The following PSMD13 variants were observed in gnomAD, a reference collection of about 807,000 sequenced individuals.
The protein encoded by PSMD13 is proteasome 26S subunit, non-ATPase 13, also known as 26S proteasome non-ATPase regulatory subunit 13.
A neutral mutation model predicts 57.4 loss-of-function variants in PSMD13; 8 were observed. That is an observed-to-expected ratio of 0.14 (90% confidence interval 0.08 to 0.25). PSMD13 has a LOEUF of 0.25. Among genes scored for constraint, PSMD13 ranks in the 10% least tolerant of loss-of-function variants. The pLI, the probability that PSMD13 is intolerant of heterozygous loss-of-function variation, is 1.00. For synonymous variants in PSMD13, 193 were observed against 168.2 expected (o/e 1.15, Z -1.14); for missense variants, 400 against 461.5 (o/e 0.87, Z 1.22).
chr11:237,102 A>G lies in PSMD13; in HGVS notation c.53A>G (p.Gln18Arg), dbSNP rs759635216. The G allele has an allele frequency of 6.2e-7, 1 of 1,613,736 alleles. No homozygotes were observed. Among genetic ancestry groups the G allele is most frequent in the South Asian group, 1.1e-5 (1 of 91,054 alleles). Reference sequence around the variant, plus strand: ...CAGAGCCAGAACTCCGGGCCCGGGCAGCCCGCTGTGTGGCACCGTCTGGAG... The same window carrying G: ...CAGAGCCAGAACTCCGGGCCCGGGCGGCCCGCTGTGTGGCACCGTCTGGAG... Reference protein sequence around the residue: ...LQQSQNSGPGQPAVWHRLEEL... With the variant: ...LQQSQNSGPGRPAVWHRLEEL... The change falls in exon 1 of 13, where the codon CAG becomes CGG. Residue 18 changes from glutamine to arginine, a missense_variant. Physicochemically the swap from Gln to Arg is conservative, Grantham distance 43. Transcript: ENST00000532097.
rs567727368 is a variant in PSMD13 at position 249,470 on chromosome 11, G to A, written c.774+413G>A. Among the ~76,000 whole-genome samples, 606 of 152,024 alleles carry A rather than the reference G, an allele frequency of 4.0e-3. 3 individuals carry two copies. The highest frequency in any genetic ancestry group is 7.1e-3 in the Non-Finnish European group (485 of 67,984). On this transcript the variant is annotated intron_variant, in intron 9 of 12. Coordinates refer to ENST00000532097, the MANE Select transcript of PSMD13 (RefSeq NM_002817.4). Reference sequence around the variant, plus strand: ...AAAGAGGGATGTGTGAGGCTAACATGAGTGGGTGGGAGAGAGCATGGGATG... The same window carrying A: ...AAAGAGGGATGTGTGAGGCTAACATAAGTGGGTGGGAGAGAGCATGGGATG...
chr11:247,072 A>G (rs1191683591), intron 6 of PSMD13, among the ~76,000 whole-genome samples: 1 of 152,116 alleles, frequency 6.6e-6, no homozygotes, highest in East Asian at 1.9e-4. Flanking sequence ...GATGCTTTTC[A>G]TCTCACAATA....
chr11:250,422 G>T (rs543254551), intron 9 of PSMD13, among the ~76,000 whole-genome samples: 4 of 152,326 alleles, frequency 2.6e-5, no homozygotes, highest in Non-Finnish European at 5.9e-5. Context: ...CACTGAGCCG[G>T]CAGCAGCCCT....
chr11:239,151 CTAA>C (rs1198108438), intron 2 of PSMD13, 75 bp downstream of exon 2: 512 of 1,269,732 alleles, frequency 4.0e-4, no homozygotes, highest in Non-Finnish European at 5.0e-4. Context: ...AGGCTTTATG[CTAA>C]TAATAATAAT....
At chr11:244,818 A>G (rs937867493) in intron 6 of PSMD13, 57 bp downstream of exon 6, 31 of 1,176,666 alleles carry the variant, frequency 2.6e-5, no homozygotes, top group East Asian at 6.4e-5. Flanking sequence ...AAACCCTAGG[A>G]AAAAAAATAA....
At position 247,412 on chromosome 11, in the gene PSMD13, C is replaced by T. The variant is rs148437656; in HGVS notation, c.532C>T (p.Arg178Trp). The T allele has an allele frequency of 6.1e-5, 99 of 1,613,606 alleles. No homozygotes were observed. Among genetic ancestry groups the T allele is most frequent in the Non-Finnish European group, 7.3e-5 (86 of 1,179,850 alleles). Residue 178 changes from arginine (R) to tryptophan (W), a missense_variant, in exon 7 of 13, where the codon CGG (arginine) becomes TGG (tryptophan). Arg to Trp is a moderately radical substitution (Grantham distance 101). Transcript: ENST00000532097. The part of the protein sequence containing the change: ...NHASYYKDAL[R>W]FLGCVDIKDL... ...CGCGTCCTACTACAAAGATGCTCTGCGGTTTTTGGGCTGTGTTGACATCAA... is the reference window on the plus strand; with the variant it reads ...CGCGTCCTACTACAAAGATGCTCTGTGGTTTTTGGGCTGTGTTGACATCAA...
Position 248,768 on chromosome 11 carries a change from T to C in PSMD13, c.569-8T>C. On this transcript the variant is annotated splice_region_variant and splice_polypyrimidine_tract_variant and intron_variant, in intron 7 of 12. Transcript: ENST00000532097. ...TGGATTGTAAGTGGGCCTGTGTTGC[T>C]ACCATAGTGTCTGAGCAGCAGGAGA... 6.2e-7 allele frequency: 1 copy of C among 1,614,054 alleles called. No individual in the cohort carries two copies. The highest frequency in any genetic ancestry group is 1.3e-5 in the African/African-American group (1 of 75,048).
At chr11:248,523 TGAAAA>T in intron 7 of PSMD13, 3 of 496,594 alleles carry the variant, frequency 6.0e-6, no homozygotes, top group African/African-American at 1.9e-5. Context: ...GTGGCACAGC[TGAAAA>T]TATGAATAGA....
Position 252,576 on chromosome 11 carries a change from C to T in PSMD13, c.1107C>T (p.His369=), listed in dbSNP as rs769026986. 47 of 1,614,040 alleles carry T rather than the reference C, an allele frequency of 2.9e-5. No individual in the cohort carries two copies. In the South Asian group the frequency reaches 5.2e-4, roughly 18 times the overall value. The change falls in exon 13 of 13, where the codon CAC becomes CAT. Residue 369 remains histidine (H), a synonymous_variant. Coordinates refer to ENST00000532097, the MANE Select transcript of PSMD13 (RefSeq NM_002817.4). The surrounding 1 kb of genome is among the most constrained non-coding windows in gnomAD (Gnocchi z 4.1). ...AGAGCATGGAGATGCTGGTGGAGCA[C>T]CAGGCCCATGACATCCTCACCTAGG... The part of the protein sequence containing the change: ...DVKSMEMLVE[H]QAHDILT
chr11:243,407 A>G (rs759977834), intron 2 of PSMD13: 22 of 312,308 alleles, frequency 7.0e-5, no homozygotes, highest in Non-Finnish European at 1.2e-4. Context: ...GATTTTCAAC[A>G]GTCTTACTTA....
chr11:242,289 A>G (rs1457579968), intron 2 of PSMD13, among the ~76,000 whole-genome samples: 1 of 148,674 alleles, frequency 6.7e-6, no homozygotes, highest in Non-Finnish European at 1.5e-5. Context: ...GAAGTGCTCA[A>G]GTGTGCTGAA....
At chr11:250,939 G>A (rs778643709) in intron 10 of PSMD13, 74 bp downstream of exon 10, 1 of 1,343,174 alleles carries the variant, frequency 7.4e-7, no homozygotes. Flanking sequence ...CACTCTCCAA[G>A]CCTGTGCTGA....
intron 9 of PSMD13, 85 bp downstream of exon 9, chr11:249,142 GCA>G: frequency 6.4e-7 from 1 of 1,568,452 alleles, no homozygotes; most frequent in Non-Finnish European, 8.6e-7. Context: ...TCTTCCCTAG[GCA>G]CACAGGAAAG....
chr11:245,080 A>G (rs562900311), intron 6 of PSMD13, among the ~76,000 whole-genome samples: 1 of 151,944 alleles, frequency 6.6e-6, no homozygotes, highest in South Asian at 2.1e-4. Context: ...AGCTGGAATT[A>G]CAGGCGCGTG....
intron 6 of PSMD13, among the ~76,000 whole-genome samples, chr11:246,392 C>G (rs185125344): frequency 2.0e-5 from 3 of 152,142 alleles, no homozygotes; most frequent in Admixed American, 6.5e-5. Flanking sequence ...GTCCCAGCCA[C>G]TCGGGAGGCT....
intron 1 of PSMD13, among the ~76,000 whole-genome samples, chr11:238,470 C>T (rs1419454386): frequency 6.6e-6 from 1 of 152,186 alleles, no homozygotes. Flanking sequence ...TCTGCTACAC[C>T]GTAGAGACTG....
chr11:250,940 C>A, intron 10 of PSMD13, 75 bp downstream of exon 10: 1 of 1,334,194 alleles, frequency 7.5e-7, no homozygotes, highest in Non-Finnish European at 1.1e-6. Flanking sequence ...ACTCTCCAAG[C>A]CTGTGCTGAG....
chr11:241,283 C>T (rs536349915), intron 2 of PSMD13, among the ~76,000 whole-genome samples: 1 of 152,162 alleles, frequency 6.6e-6, no homozygotes, highest in Admixed American at 6.5e-5. Flanking sequence ...GGATTACAAG[C>T]GTGTGCCACC....
intron 6 of PSMD13, 100 bp downstream of exon 6, chr11:244,861 C>A: frequency 7.4e-5 from 65 of 876,650 alleles, no homozygotes; most frequent in East Asian, 2.2e-4. Context: ...TATTTTAAAA[C>A]ATTTTTACAT....
Sources: gnomAD v4.1 joint callset for allele counts (sites outside exome capture counted in the v4.1 genomes callset) on GRCh38, gnomAD v4.1.1 for gene constraint, Gnocchi (gnomAD v3.1) non-coding constraint, MANE v1.5 for transcripts, NCBI Gene and HGNC (gene_info 2026-07-23, HGNC 2026-07-21) for gene names.